The following DMD variants were observed in gnomAD, a reference collection of about 807,000 sequenced individuals.
DMD encodes mutant dystrophin.
Under a neutral mutation model 330.1 loss-of-function variants are expected in DMD, and 63 were observed. The observed-to-expected ratio is 0.19, with a 90% CI of 0.16 to 0.24. The LOEUF (loss-of-function observed/expected upper bound fraction) is 0.24. Ranked by LOEUF, DMD falls within the 10% of genes least tolerant of loss-of-function variation. The probability of loss-of-function intolerance (pLI) is 1.00; values close to 1 mark genes in which losing one functional copy is unlikely to be tolerated. For missense variants in DMD, 3,344 were observed against 2,684.1 expected (o/e 1.25, Z -5.43); for synonymous variants, 1,223 against 959.8 (o/e 1.27, Z -5.07).
At chrX:31,453,394 T>C (rs569187902) in intron 59 of DMD, among the ~76,000 whole-genome samples, 2 of 111,069 alleles carry the variant, frequency 1.8e-5, no homozygotes, top group African/African-American at 3.3e-5. Flanking sequence ...ACTCCTGGCC[T>C]CAGGTGATCC....
intron 18 of DMD, among the ~76,000 whole-genome samples, chrX:32,514,235 G>GAAAA (rs35838995): frequency 2.7e-4 from 21 of 77,255 alleles, no homozygotes; most frequent in Middle Eastern, 6.9e-3. Flanking sequence ...AAGGCAGGTG[G>GAAAA]AAAAAAAAAA....
At chrX:32,871,437 T>C (rs1184072355) in intron 2 of DMD, among the ~76,000 whole-genome samples, 2 of 111,372 alleles carry the variant, frequency 1.8e-5, no homozygotes, top group Non-Finnish European at 3.8e-5. Flanking sequence ...TCCCTCATTC[T>C]TGGAAGCTAT....
intron 1 of DMD, among the ~76,000 whole-genome samples, chrX:33,088,794 T>C (rs1178148535): frequency 1.8e-5 from 2 of 112,401 alleles, no homozygotes; most frequent in African/African-American, 6.4e-5. Context: ...AAATTAACTG[T>C]TTAATTTTCA....
At chrX:32,139,598 A>G (rs1402498668) in intron 44 of DMD, among the ~76,000 whole-genome samples, 2 of 112,388 alleles carry the variant, frequency 1.8e-5, no homozygotes, top group Non-Finnish European at 3.8e-5. Flanking sequence ...ACAGTAAAAG[A>G]GCATGTGCAA....
rs35842618 is a variant in DMD at position 31,256,741 on chromosome X, C to CGTGTGTGTGT, written c.9286+4204_9286+4213dup. 1.5e-3 allele frequency among the ~76,000 whole-genome samples: 150 copies of CGTGTGTGTGT among 97,965 alleles called. 2 individuals are homozygous for CGTGTGTGTGT. Among genetic ancestry groups the CGTGTGTGTGT allele is most frequent in the African/African-American group, 5.2e-3 (141 of 26,919 alleles). 85.1% of individuals were successfully genotyped at this position (97,965 alleles called of 115,157 possible). On this transcript the variant is annotated intron_variant, in intron 63 of 78. Transcript: ENST00000357033. Reference sequence around the variant, plus strand: ...ATAAATTATCTACATATATGTGGGGCGTGTGTGTGTGTGTGTGTGTGTGTG... The same window carrying CGTGTGTGTGT: ...ATAAATTATCTACATATATGTGGGGCGTGTGTGTGTGTGTGTGTGTGTGTGTGTGTGTGTG...
At chrX:31,982,641 A>C in intron 44 of DMD, among the ~76,000 whole-genome samples, 1 of 111,329 alleles carries the variant, frequency 9.0e-6, no homozygotes, top group Middle Eastern at 4.9e-3. Context: ...TTTGGGAAAT[A>C]AATTGATATA....
intron 50 of DMD, among the ~76,000 whole-genome samples, chrX:31,789,973 A>T (rs754890498): frequency 8.9e-6 from 1 of 111,850 alleles, no homozygotes; most frequent in Admixed American, 9.5e-5. Context: ...TTGAATTGGT[A>T]AAATTCTTCA....
chrX:31,276,468 C>A (rs2052127345), intron 62 of DMD, among the ~76,000 whole-genome samples: 1 of 111,907 alleles, frequency 8.9e-6, no homozygotes, highest in South Asian at 3.7e-4. Flanking sequence ...GGATGTGGAG[C>A]AACTACAACT....
At chrX:33,009,628 G>GTA (rs1418584127) in intron 2 of DMD, among the ~76,000 whole-genome samples, 1 of 49,839 alleles carries the variant, frequency 2.0e-5, no homozygotes, top group Non-Finnish European at 3.6e-5. Context: ...GTGTATGTGT[G>GTA]TATGTGTATA....
intron 44 of DMD, among the ~76,000 whole-genome samples, chrX:31,982,486 A>G (rs1465008354): frequency 8.9e-6 from 1 of 111,917 alleles, no homozygotes; most frequent in African/African-American, 3.2e-5. Flanking sequence ...GACTGTATCA[A>G]TATCCAGAAA....
At chrX:32,191,879 T>G (rs919249772) in intron 44 of DMD, among the ~76,000 whole-genome samples, 3 of 111,882 alleles carry the variant, frequency 2.7e-5, no homozygotes, top group African/African-American at 6.5e-5. Context: ...TTCTGAATAT[T>G]TTTGATGCAT....
intron 16 of DMD, among the ~76,000 whole-genome samples, chrX:32,554,264 G>A (rs1237970596): frequency 9.0e-6 from 1 of 111,328 alleles, no homozygotes; most frequent in African/African-American, 3.3e-5. Context: ...ACCAAGATCA[G>A]AGCTGAACTG....
At chrX:31,755,006 A>G (rs957597864) in intron 51 of DMD, among the ~76,000 whole-genome samples, 1 of 111,912 alleles carries the variant, frequency 8.9e-6, no homozygotes, top group African/African-American at 3.2e-5. Flanking sequence ...ATATGTTTTT[A>G]TATCTATAAT....
intron 21 of DMD, among the ~76,000 whole-genome samples, chrX:32,482,443 GTCT>G (rs774091383): frequency 9.3e-4 from 104 of 111,648 alleles, no homozygotes; most frequent in Non-Finnish European, 1.1e-4. Flanking sequence ...TCAGCATAAT[GTCT>G]TCAAGGGTAC....
intron 43 of DMD, among the ~76,000 whole-genome samples, chrX:32,230,961 A>G (rs1407917034): frequency 8.9e-6 from 1 of 112,336 alleles, no homozygotes; most frequent in African/African-American, 3.2e-5. Context: ...TTCAATATCT[A>G]TGAATGAGGA....
chrX:32,971,178 T>C lies in DMD; in HGVS notation c.93+48961A>G, dbSNP rs753268789. On this transcript the variant is annotated intron_variant, in intron 2 of 78. Coordinates refer to ENST00000357033, the MANE Select transcript of DMD (RefSeq NM_004006.3). ...GGTTTCACCATGTTGGCCAGGCTGG[T>C]CTTGAACTCTTGACTTCCAGTCATC... Among the ~76,000 whole-genome samples, 3 of 111,570 alleles carry C rather than the reference T, an allele frequency of 2.7e-5. No individual in the cohort carries two copies. In the South Asian group the frequency reaches 1.1e-3, roughly 42 times the overall value.
intron 44 of DMD, among the ~76,000 whole-genome samples, chrX:32,069,946 G>T (rs778077766): frequency 1.1e-4 from 12 of 111,582 alleles, no homozygotes; most frequent in Non-Finnish European, 1.9e-4. Flanking sequence ...ATTATACCAC[G>T]ATGGAAAAAA....
At chrX:32,432,597 A>G (rs769791497) in intron 29 of DMD, among the ~76,000 whole-genome samples, 2 of 112,245 alleles carry the variant, frequency 1.8e-5, no homozygotes, top group East Asian at 5.6e-4. Flanking sequence ...AATCTATTTC[A>G]TAAAGCAAAT....
chrX:32,359,567 GATC>G (rs777516358), intron 37 of DMD, among the ~76,000 whole-genome samples: 26 of 111,330 alleles, frequency 2.3e-4, no homozygotes, highest in African/African-American at 8.1e-4. Flanking sequence ...CTGATTTTGA[GATC>G]AAAGGCTACC....
Sources: gnomAD v4.1 joint callset for allele counts (sites outside exome capture counted in the v4.1 genomes callset) on GRCh38, gnomAD v4.1.1 for gene constraint, MANE v1.5 for transcripts, NCBI Gene and HGNC (gene_info 2026-07-23, HGNC 2026-07-21) for gene names.